The following MAGI1 variants were observed in gnomAD, a reference collection of about 807,000 sequenced individuals.
MAGI1 encodes membrane-associated guanylate kinase, WW and PDZ domain-containing protein 1.
MAGI1 carries 58 observed loss-of-function variants against 139.9 expected under a neutral mutation model. That is an observed-to-expected ratio of 0.41 (90% CI 0.34 to 0.52). The LOEUF (loss-of-function observed/expected upper bound fraction) is 0.52, where lower values mean the gene tolerates loss of function less well. Among genes scored for constraint, MAGI1 ranks in the 20% least tolerant of loss-of-function variants. The pLI is 0.12. For missense variants in MAGI1, 1,874 were observed against 1,901.6 expected (o/e 0.99, Z 0.27); for synonymous variants, 812 against 737.9 (o/e 1.10, Z -1.63).
intron 2 of MAGI1, among the ~76,000 whole-genome samples, chr3:65,496,402 G>T (rs1952455147): frequency 6.6e-6 from 1 of 152,138 alleles, no homozygotes; most frequent in African/African-American, 2.4e-5. Context: ...GAGTAGGGCA[G>T]GAGGTGGGCA....
At chr3:65,844,898 T>C (rs1212908925) in intron 1 of MAGI1, among the ~76,000 whole-genome samples, 1 of 152,190 alleles carries the variant, frequency 6.6e-6, no homozygotes, top group Non-Finnish European at 1.5e-5. Context: ...GCACTCTTTG[T>C]GGCCATGCAT....
At chr3:65,673,371 C>T (rs1010281633) in intron 1 of MAGI1, among the ~76,000 whole-genome samples, 1 of 152,144 alleles carries the variant, frequency 6.6e-6, no homozygotes, top group African/African-American at 2.4e-5. Context: ...CCAGAGTAAC[C>T]TGTGTCTGTT....
At chr3:65,590,406 G>A (rs756193819) in intron 2 of MAGI1, among the ~76,000 whole-genome samples, 3 of 152,146 alleles carry the variant, frequency 2.0e-5, no homozygotes, top group Non-Finnish European at 4.4e-5. Context: ...TTTCAACTTG[G>A]TACTCCTTTG....
chr3:65,408,741 C>T (rs183008931), intron 12 of MAGI1, among the ~76,000 whole-genome samples: 23 of 152,244 alleles, frequency 1.5e-4, no homozygotes, highest in African/African-American at 4.6e-4. Flanking sequence ...AAAAAGCTAA[C>T]GACAGTCCAG....
chr3:66,007,822 T>C (rs901047972), intron 1 of MAGI1, among the ~76,000 whole-genome samples: 5 of 151,890 alleles, frequency 3.3e-5, no homozygotes, highest in African/African-American at 4.8e-5. Context: ...GAAGGAAAGA[T>C]ACTAAATTGG....
At chr3:65,557,786 T>C (rs2080156377) in intron 2 of MAGI1, among the ~76,000 whole-genome samples, 1 of 152,210 alleles carries the variant, frequency 6.6e-6, no homozygotes, top group Non-Finnish European at 1.5e-5. Context: ...TTAATTGTCC[T>C]AGCAATACAA....
At chr3:65,640,941 C>T (rs758144402) in intron 1 of MAGI1, among the ~76,000 whole-genome samples, 5 of 152,006 alleles carry the variant, frequency 3.3e-5, no homozygotes, top group Non-Finnish European at 5.9e-5. Flanking sequence ...ACTGTGACAC[C>T]CTCTTTTTTG....
At chr3:65,456,892 T>C (rs781629987) in intron 5 of MAGI1, among the ~76,000 whole-genome samples, 4 of 152,202 alleles carry the variant, frequency 2.6e-5, no homozygotes, top group African/African-American at 4.8e-5. Flanking sequence ...ATGAGTCTAT[T>C]CCTTCACCAA....
At chr3:65,456,378 TA>T (rs1033379618) in intron 5 of MAGI1, among the ~76,000 whole-genome samples, 2 of 152,044 alleles carry the variant, frequency 1.3e-5, no homozygotes, top group Non-Finnish European at 1.5e-5. Context: ...AATGGTTTGA[TA>T]TTTTTTTTTT....
At chr3:65,381,298 A>G (rs1388538591) in intron 16 of MAGI1, among the ~76,000 whole-genome samples, 1 of 152,168 alleles carries the variant, frequency 6.6e-6, no homozygotes, top group Non-Finnish European at 1.5e-5. Flanking sequence ...GAAGAAAGTT[A>G]TATTTGAGCT....
Position 65,509,922 on chromosome 3 carries a change from G to C in MAGI1, c.431-16291C>G, listed in dbSNP as rs576457472. 2.4e-3 allele frequency among the ~76,000 whole-genome samples: 371 copies of C among 152,310 alleles called. 3 individuals carry two copies. The highest frequency in any genetic ancestry group is 4.2e-3 in the Admixed American group (64 of 15,302). On this transcript the variant is annotated intron_variant, in intron 2 of 22. Transcript: ENST00000402939. ...TGTCCCTGTCTGACAGCTTTGAAGA[G>C]AGGAGTGGTTCTCCCAGCACGCAGA... is the stretch of plus-strand genomic sequence containing the variant.
chr3:65,920,766 C>CA (rs1244010983), intron 1 of MAGI1, among the ~76,000 whole-genome samples: 4 of 152,216 alleles, frequency 2.6e-5, no homozygotes, highest in African/African-American at 9.6e-5. Context: ...CGCAGTGGCT[C>CA]ACGCCTGTAA....
At chr3:65,926,327 T>TCCTCTCTC (rs1553731214) in intron 1 of MAGI1, among the ~76,000 whole-genome samples, 1 of 115,590 alleles carries the variant, frequency 8.7e-6, no homozygotes, top group Admixed American at 9.1e-5. Flanking sequence ...AAGTCTTCTT[T>TCCTCTCTC]TCTCTCTCTC....
chr3:65,417,589 A>G (rs1946320665), intron 12 of MAGI1, among the ~76,000 whole-genome samples: 1 of 151,950 alleles, frequency 6.6e-6, no homozygotes, highest in African/African-American at 2.4e-5. Flanking sequence ...TTTTGAGATG[A>G]TGGTGAAAAG....
chr3:65,947,383 A>T (rs2063588503), intron 1 of MAGI1, among the ~76,000 whole-genome samples: 1 of 152,210 alleles, frequency 6.6e-6, no homozygotes, highest in African/African-American at 2.4e-5. Context: ...ACCTGGAAAA[A>T]TTATACAATC....
At chr3:65,778,100 T>C (rs9877659) in intron 1 of MAGI1, among the ~76,000 whole-genome samples, 3,380 of 152,270 alleles carry the variant, frequency 0.022, 125 homozygotes, top group African/African-American at 0.077. Context: ...ATACACAGTT[T>C]ACAGCACTAA....
At chr3:65,894,837 A>C (rs1234441590) in intron 1 of MAGI1, among the ~76,000 whole-genome samples, 2 of 152,252 alleles carry the variant, frequency 1.3e-5, no homozygotes, top group Admixed American at 6.5e-5. Context: ...CTCTTCTGGC[A>C]TGGGAAATTT....
At chr3:65,556,050 T>C (rs2080071990) in intron 2 of MAGI1, among the ~76,000 whole-genome samples, 2 of 152,214 alleles carry the variant, frequency 1.3e-5, no homozygotes, top group South Asian at 2.1e-4. Context: ...GTTTCTGTGA[T>C]AGGGAGAGAT....
intron 2 of MAGI1, among the ~76,000 whole-genome samples, chr3:65,583,162 C>T (rs1217334211): frequency 6.6e-6 from 1 of 152,236 alleles, no homozygotes; most frequent in East Asian, 1.9e-4. Context: ...ATCTCAATGG[C>T]CCCAACAGTC....
Sources: allele counts gnomAD v4.1 joint callset (sites outside exome capture counted in the v4.1 genomes callset), GRCh38; gene constraint gnomAD v4.1.1; transcripts MANE v1.5; gene names NCBI Gene and HGNC (gene_info 2026-07-23, HGNC 2026-07-21).